Variants in CSPP1 observed in about 807,000 individuals in gnomAD.
The protein encoded by CSPP1 is centrosome and spindle pole associated protein 1.
A neutral mutation model predicts 164.4 loss-of-function variants in CSPP1; 126 were observed. The ratio of observed to expected loss-of-function variants is 0.77; its 90% CI spans 0.66 to 0.89. CSPP1 has a LOEUF of 0.89. Among genes scored for constraint, CSPP1 ranks in the 40% least tolerant of loss-of-function variants. The probability of loss-of-function intolerance (pLI) is 0.00; values close to 1 mark genes in which losing one functional copy is unlikely to be tolerated. For synonymous variants in CSPP1, 472 were observed against 476.7 expected (o/e 0.99, Z 0.13); for missense variants, 1,395 against 1,449.8 (o/e 0.96, Z 0.61).
intron 3 of CSPP1, among the ~76,000 whole-genome samples, chr8:67,079,166 A>G (rs1468928010): frequency 2.0e-5 from 3 of 152,114 alleles, no homozygotes; most frequent in Non-Finnish European, 2.9e-5. Context: ...ATCTGCTCAC[A>G]GGGCTTTATT....
At chr8:67,170,330 G>C (rs1277239950) in intron 24 of CSPP1, among the ~76,000 whole-genome samples, 1 of 151,802 alleles carries the variant, frequency 6.6e-6, no homozygotes, top group African/African-American at 2.4e-5. Flanking sequence ...GGTGGTGCGT[G>C]CCTGTAGTCC....
chr8:67,175,201 A>G (rs2129568474), intron 25 of CSPP1, 95 bp from the exon 26 acceptor site: 1 of 872,874 alleles, frequency 1.1e-6, no homozygotes. Flanking sequence ...CTTGATTTTG[A>G]AATTAGGTTA....
intron 17 of CSPP1, among the ~76,000 whole-genome samples, chr8:67,139,186 A>G (rs1485327959): frequency 5.3e-5 from 8 of 152,262 alleles, no homozygotes; most frequent in Non-Finnish European, 1.2e-4. Context: ...GGCAAAGGAT[A>G]TGAACAGACA....
Position 67,195,532 on chromosome 8 carries a change from A to G in CSPP1, c.3620A>G (p.Gln1207Arg), listed in dbSNP as rs1026132903. 1 of 1,614,232 alleles carries G rather than the reference A, an allele frequency of 6.2e-7. No homozygotes were observed. Among genetic ancestry groups the G allele is most frequent in the Non-Finnish European group, 8.5e-7 (1 of 1,180,034 alleles). Residue 1207 changes from glutamine (Q) to arginine (R), a missense_variant, in exon 31 of 31, where the codon CAG becomes CGG. By Grantham distance (43) the Gln-to-Arg change is conservative (BLOSUM62 1). Transcript: ENST00000678616. ...GCAGAGCAGCTGAACCAGGAGCAGC[A>G]GCAGATTCCTGGAAAACCAGGCACT... ...FMAEQLNQEQ[Q>R]QIPGKPGTFT...
intron 15 of CSPP1, among the ~76,000 whole-genome samples, chr8:67,124,459 A>G (rs1819656598): frequency 6.6e-6 from 1 of 151,778 alleles, no homozygotes; most frequent in Non-Finnish European, 1.5e-5. Context: ...GTCTCTCAAC[A>G]CAGTTTTATA....
At chr8:67,161,738 G>T (rs1222629870) in intron 21 of CSPP1, 73 bp from the exon 22 acceptor site, 2 of 721,450 alleles carry the variant, frequency 2.8e-6, no homozygotes, top group Non-Finnish European at 4.8e-6. Flanking sequence ...AACTATAAGG[G>T]GTGTGTGTGT....
chr8:67,153,312 T>C (rs1826055761), intron 18 of CSPP1, among the ~76,000 whole-genome samples: 1 of 152,178 alleles, frequency 6.6e-6, no homozygotes. Context: ...TGTCATTTTT[T>C]CCCATCTGCA....
At chr8:67,110,138 G>C (rs1178213295) in intron 9 of CSPP1, among the ~76,000 whole-genome samples, 2 of 151,078 alleles carry the variant, frequency 1.3e-5, no homozygotes, top group African/African-American at 4.9e-5. Flanking sequence ...GCTAGATCCT[G>C]TTTGCTTATC....
chr8:67,191,005 A>G (rs879609130), intron 29 of CSPP1, among the ~76,000 whole-genome samples: 4 of 152,162 alleles, frequency 2.6e-5, no homozygotes, highest in African/African-American at 9.7e-5. Flanking sequence ...CCTCATCCCA[A>G]CCTTCCTTCT....
chr8:67,097,489 G>C (rs1586051650), intron 7 of CSPP1, among the ~76,000 whole-genome samples: 1 of 152,160 alleles, frequency 6.6e-6, no homozygotes, highest in Middle Eastern at 3.4e-3. Flanking sequence ...ATTTGAAAAT[G>C]CTTATATGTA....
intron 6 of CSPP1, among the ~76,000 whole-genome samples, chr8:67,093,940 ATGTT>A (rs375073711): frequency 6.6e-6 from 1 of 151,546 alleles, no homozygotes; most frequent in African/African-American, 2.4e-5. Context: ...ATTCCTAGCT[ATGTT>A]TGTTTTTTTC....
chr8:67,083,544 A>ATATAT (rs1485255533), intron 3 of CSPP1: 1 of 130,264 alleles, frequency 7.7e-6, no homozygotes, highest in East Asian at 2.2e-4. Context: ...AAAAAAAAAA[A>ATATAT]AAAAATATAT....
intron 4 of CSPP1, among the ~76,000 whole-genome samples, chr8:67,090,412 A>G (rs1402438693): frequency 2.6e-5 from 4 of 152,040 alleles, no homozygotes; most frequent in African/African-American, 9.7e-5. Context: ...CAGCCTCCCA[A>G]GTAGCTGGGA....
At chr8:67,175,533 C>T (rs759558950) in intron 26 of CSPP1, 97 bp downstream of exon 26, 39 of 1,409,374 alleles carry the variant, frequency 2.8e-5, no homozygotes, top group Non-Finnish European at 3.6e-5. Context: ...CAGGCATCCT[C>T]CTTTCACTGG....
At chr8:67,091,558 T>C (rs1467891140) in intron 4 of CSPP1, among the ~76,000 whole-genome samples, 2 of 152,230 alleles carry the variant, frequency 1.3e-5, no homozygotes, top group Non-Finnish European at 2.9e-5. Context: ...ACGTATATAT[T>C]GCACATGAAA....
chr8:67,138,456 T>A (rs1480107635), intron 17 of CSPP1, among the ~76,000 whole-genome samples: 1 of 152,226 alleles, frequency 6.6e-6, no homozygotes, highest in Non-Finnish European at 1.5e-5. Context: ...TTTCACATGT[T>A]CAGTGCAGAT....
intron 7 of CSPP1, among the ~76,000 whole-genome samples, chr8:67,098,035 A>T (rs1408932747): frequency 6.7e-6 from 1 of 149,462 alleles, no homozygotes; most frequent in Non-Finnish European, 1.5e-5. Flanking sequence ...AGATTTATAG[A>T]TTCCTTATTT....
In CSPP1 at chr8:67,175,665, C is replaced by T. The variant is rs1403271561; in HGVS notation, c.3109+229C>T. On this transcript the variant is annotated intron_variant, in intron 26 of 30. Coordinates refer to ENST00000678616, the MANE Select transcript of CSPP1 (RefSeq NM_001382391.1). ...TGCATGAGAGGGGCCCAGTCATTCA[C>T]TGTAGCCAGGAGGACTGAATACTTT... 9.2e-6 allele frequency: 6 copies of T among 648,814 alleles called. No homozygotes were observed. In the Admixed American group the frequency reaches 1.3e-4, roughly 14 times the overall value. The allele number at this position is 648,814 out of a possible 1,614,324, so 40.2% of individuals were successfully genotyped here.
chr8:67,151,999 A>C (rs1825788217), intron 18 of CSPP1, among the ~76,000 whole-genome samples: 1 of 151,362 alleles, frequency 6.6e-6, no homozygotes, highest in South Asian at 2.1e-4. Flanking sequence ...GAGGCAGGAG[A>C]ATTGCTTGAA....
Sources: allele counts gnomAD v4.1 joint callset (sites outside exome capture counted in the v4.1 genomes callset), GRCh38; gene constraint gnomAD v4.1.1; transcripts MANE v1.5; gene names NCBI Gene and HGNC (gene_info 2026-07-23, HGNC 2026-07-21).